KRT8: variants seen among roughly 807,000 people sequenced by gnomAD.
KRT8 encodes the protein keratin 8, also known as keratin, type II cytoskeletal 8.
A neutral mutation model predicts 43.0 loss-of-function variants in KRT8; 24 were observed. That is an observed-to-expected ratio of 0.56 (90% CI 0.40 to 0.78). The LOEUF is 0.78. KRT8 is among the 30% of genes least tolerant of loss of function. KRT8 has a pLI of 0.00. For synonymous variants in KRT8, 214 were observed against 261.2 expected (o/e 0.82, Z 1.74); for missense variants, 492 against 638.4 (o/e 0.77, Z 2.47).
upstream of KRT8, among the ~76,000 whole-genome samples, chr12:52,907,737 CA>C (rs1216753313): frequency 6.6e-6 from 1 of 152,210 alleles, no homozygotes; most frequent in Non-Finnish European, 1.5e-5. Flanking sequence ...AGACCCCAGC[CA>C]AACCTTCCCC....
intron 2 of KRT8, chr12:52,948,903 G>C: frequency 2.3e-6 from 1 of 433,122 alleles, no homozygotes; most frequent in East Asian, 3.6e-5. Flanking sequence ...CCTGCTGTCC[G>C]TGTCCATGCC....
At chr12:52,904,593 A>G (rs1364517373) in intron 1 of KRT8, 65 bp downstream of exon 1, 2 of 1,456,390 alleles carry the variant, frequency 1.4e-6, no homozygotes, top group Admixed American at 3.4e-5. Context: ...AGATGTGCAT[A>G]GGGACCGGGA....
chr12:52,936,250 T>C (rs1309331057), intron 2 of KRT8, among the ~76,000 whole-genome samples: 3 of 150,932 alleles, frequency 2.0e-5, no homozygotes, highest in African/African-American at 7.3e-5. Context: ...AGATTCCATC[T>C]AAAAAAAACA....
At chr12:52,929,409 G>T (rs1209881132) in intron 2 of KRT8, among the ~76,000 whole-genome samples, 1 of 152,026 alleles carries the variant, frequency 6.6e-6, no homozygotes, top group Middle Eastern at 3.2e-3. Flanking sequence ...GGCCAGGCTG[G>T]TCTTGAACTC....
intron 2 of KRT8, among the ~76,000 whole-genome samples, chr12:52,945,702 G>T (rs916471771): frequency 3.9e-5 from 6 of 152,078 alleles, no homozygotes; most frequent in Non-Finnish European, 7.4e-5. Flanking sequence ...TCTGCTGGAC[G>T]CTGGAATGCA....
At position 52,898,537 on chromosome 12, in the gene KRT8, G is replaced by A; in HGVS notation, c.1203-18C>T. ...ACTCCAGCCTGTACCCAGACAAATG[G>A]GGTGTCAGGACCAACTCCTAGCCCT... is the stretch of plus-strand genomic sequence containing the variant. On this transcript the variant is annotated intron_variant, in intron 6 of 7. Coordinates refer to ENST00000692008, the Ensembl canonical transcript of KRT8. 1.2e-6 allele frequency: 2 copies of A among 1,613,958 alleles called. No individual in the cohort carries two copies. Among genetic ancestry groups the A allele is most frequent in the Non-Finnish European group, 1.7e-6 (2 of 1,179,868 alleles).
At chr12:52,916,674 C>T (rs1941746919) in intron 2 of KRT8, among the ~76,000 whole-genome samples, 2 of 152,176 alleles carry the variant, frequency 1.3e-5, no homozygotes, top group Non-Finnish European at 2.9e-5. Flanking sequence ...GCCTCCTTAG[C>T]TTGGTTCATC....
upstream of KRT8, among the ~76,000 whole-genome samples, chr12:52,905,484 C>G (rs762769582): frequency 4.6e-5 from 7 of 152,064 alleles, no homozygotes; most frequent in Non-Finnish European, 8.8e-5. Flanking sequence ...TCTGAGCTGC[C>G]GACACCCCAG....
chr12:52,931,109 C>A (rs1168620989), intron 2 of KRT8, among the ~76,000 whole-genome samples: 2 of 151,340 alleles, frequency 1.3e-5, no homozygotes, highest in East Asian at 3.9e-4. Flanking sequence ...GCTCTGTTGC[C>A]CAGGCTGCAG....
upstream of KRT8, among the ~76,000 whole-genome samples, chr12:52,908,166 G>C (rs140330931): frequency 4.8e-3 from 737 of 152,336 alleles, 6 homozygotes; most frequent in African/African-American, 0.017. Flanking sequence ...TGGGGCCAGT[G>C]GGGTGGGGAG....
chr12:52,927,143 A>G (rs1246518684), intron 2 of KRT8, among the ~76,000 whole-genome samples: 1 of 152,206 alleles, frequency 6.6e-6, no homozygotes, highest in East Asian at 1.9e-4. Flanking sequence ...GCTAAGCCTC[A>G]GAAGGGTGTC....
At chr12:52,920,791 C>T (rs1941867846) in intron 2 of KRT8, among the ~76,000 whole-genome samples, 1 of 152,164 alleles carries the variant, frequency 6.6e-6, no homozygotes, top group Non-Finnish European at 1.5e-5. Flanking sequence ...CCTGTAATCC[C>T]AGTACTTTGG....
chr12:52,906,893 C>T (rs868254620), upstream of KRT8: 3 of 397,874 alleles, frequency 7.5e-6, no homozygotes, highest in South Asian at 5.5e-5. Flanking sequence ...GACCCCTACC[C>T]AGAAGGACAG....
chr12:52,946,929 C>T (rs553172212), intron 2 of KRT8: 1 of 152,524 alleles, frequency 6.6e-6, no homozygotes, highest in Non-Finnish European at 1.5e-5. Context: ...GGCTCAGGCT[C>T]TTTATCTGTG....
exon 1 of KRT8, chr12:52,949,830 A>G (rs1445262372): frequency 4.3e-6 from 3 of 703,818 alleles, no homozygotes; most frequent in Non-Finnish European, 7.8e-6. Context: ...TTTACAGAGG[A>G]AGTGGACAGC....
intron 4 of KRT8, 91 bp downstream of exon 4, chr12:52,900,497 C>G (rs1415876868): frequency 2.4e-6 from 2 of 825,690 alleles, no homozygotes; most frequent in Non-Finnish European, 4.3e-6. Context: ...TATTAGTGTG[C>G]TGGGGGCTGG....
intron 2 of KRT8, among the ~76,000 whole-genome samples, chr12:52,925,061 G>A (rs904288101): frequency 6.6e-6 from 1 of 152,192 alleles, no homozygotes; most frequent in African/African-American, 2.4e-5. Context: ...CCAAGAAAAA[G>A]ATGTTGTATA....
upstream of KRT8, among the ~76,000 whole-genome samples, chr12:52,906,250 G>C (rs181145490): frequency 1.4e-4 from 22 of 152,226 alleles, no homozygotes; most frequent in African/African-American, 3.9e-4. Flanking sequence ...GCAGGGGTTG[G>C]GGGGGGCAAG....
At chr12:52,941,281 A>G (rs1942263767) in intron 2 of KRT8, among the ~76,000 whole-genome samples, 1 of 151,800 alleles carries the variant, frequency 6.6e-6, no homozygotes, top group African/African-American at 2.4e-5. Context: ...CAGGAAGATC[A>G]TAGGCTCAGC....
Sources: allele counts gnomAD v4.1 joint callset (sites outside exome capture counted in the v4.1 genomes callset), GRCh38; gene constraint gnomAD v4.1.1; transcripts MANE v1.5; gene names NCBI Gene and HGNC (gene_info 2026-07-23, HGNC 2026-07-21).